The following ANTXRL variants were observed in gnomAD, a reference collection of about 807,000 sequenced individuals.
ANTXRL encodes the protein anthrax toxin receptor-like.
A neutral mutation model predicts 75.4 loss-of-function variants in ANTXRL; 63 were observed. The ratio of observed to expected loss-of-function variants is 0.84; its 90% CI spans 0.68 to 1.03. The LOEUF is 1.03. Ranked by LOEUF, ANTXRL falls within the 50% of genes least tolerant of loss-of-function variation. The pLI, the probability that ANTXRL is intolerant of heterozygous loss-of-function variation, is 0.00. For synonymous variants in ANTXRL, 335 were observed against 291.3 expected, an observed-to-expected ratio of 1.15 and a Z score of -1.53; for missense variants, 797 against 789.4, an observed-to-expected ratio of 1.01 and a Z score of -0.12.
At chr10:46,315,273 G>A (rs1343381350) in intron 16 of ANTXRL, among the ~76,000 whole-genome samples, 6 of 152,240 alleles carry the variant, frequency 3.9e-5, no homozygotes, top group Non-Finnish European at 8.8e-5. Context: ...TCCTGCCTGA[G>A]CCAGGGGTCC....
intron 3 of ANTXRL, 131 bp downstream of exon 3, chr10:46,294,031 T>C (rs1554957768): frequency 1.3e-6 from 1 of 784,582 alleles, no homozygotes; most frequent in African/African-American, 1.8e-5. Context: ...TCAGGGCAAC[T>C]CACAGTACCC....
intron 9 of ANTXRL, among the ~76,000 whole-genome samples, chr10:46,300,744 GC>G (rs1554960308): frequency 6.6e-6 from 1 of 152,124 alleles, no homozygotes; most frequent in Non-Finnish European, 1.5e-5. Flanking sequence ...ACTCCCTGCA[GC>G]CCAAGGGCTT....
At position 46,327,794 on chromosome 10, in the gene ANTXRL, T is replaced by C. The variant is rs186250227; in HGVS notation, c.1411-1805T>C. Among the ~76,000 whole-genome samples, 255 of 152,222 alleles carry C rather than the reference T, an allele frequency of 1.7e-3. 2 individuals carry two copies. Among genetic ancestry groups the C allele is most frequent in the African/African-American group, 5.3e-3 (221 of 41,514 alleles). ...TGGGACCATCAGGCTGAGACTGGCCTGGCAGGAGACCCCTGGGATTCCAGG... is the reference window on the plus strand; with the variant it reads ...TGGGACCATCAGGCTGAGACTGGCCCGGCAGGAGACCCCTGGGATTCCAGG... On this transcript the variant is annotated intron_variant, in intron 16 of 16. Coordinates refer to ENST00000620264, the MANE Select transcript of ANTXRL (RefSeq NM_001278688.3).
At chr10:46,310,779 C>T (rs1838375062) in intron 14 of ANTXRL, among the ~76,000 whole-genome samples, 1 of 152,070 alleles carries the variant, frequency 6.6e-6, no homozygotes, top group African/African-American at 2.4e-5. Flanking sequence ...AAATGGGGCT[C>T]TCTGTCAAGG....
Position 46,329,789 on chromosome 10 carries a change from T to A in ANTXRL, c.1601T>A (p.Leu534Gln). Residue 534 changes from leucine (L) to glutamine (Q), a missense_variant, in exon 17 of 17, where the codon CTG becomes CAG. Physicochemically the swap from Leu to Gln is moderately radical, Grantham distance 113. This residue lies in a region of ANTXRL where 479 missense variants were observed against 422.0 expected (regional missense o/e 1.14). Transcript: ENST00000620264. ...GCTCGCTGCAGCCCAAACATCTGCC[T>A]GAGACACAGCCAACACAGCAGGGAG... Reference protein sequence around the residue: ...KQARCSPNICLRHSQHSRECL... With the variant: ...KQARCSPNICQRHSQHSRECL... The A allele has an allele frequency of 6.5e-7, 1 of 1,531,334 alleles. No individual in the cohort carries two copies. Among genetic ancestry groups the A allele is most frequent in the Non-Finnish European group, 8.7e-7 (1 of 1,145,924 alleles). The allele number at this position is 1,531,334 out of a possible 1,614,324, so 94.9% of individuals were successfully genotyped here.
intron 7 of ANTXRL, among the ~76,000 whole-genome samples, 155 bp from the exon 8 acceptor site, chr10:46,297,676 T>A (rs568952729): frequency 6.6e-6 from 1 of 152,252 alleles, no homozygotes; most frequent in Admixed American, 6.5e-5. Flanking sequence ...CCCCGCTCCC[T>A]AAGAGTGGGC....
rs544385233 is a variant in ANTXRL, at chr10:46,288,720, A to G, written c.248+1210A>G. 2.0e-5 allele frequency among the ~76,000 whole-genome samples: 3 copies of G among 152,272 alleles called. No homozygotes were observed. The East Asian group carries it at 5.8e-4, about 29-fold the overall frequency. On this transcript the variant is annotated intron_variant, in intron 1 of 16. Coordinates refer to ENST00000620264, the MANE Select transcript of ANTXRL (RefSeq NM_001278688.3). ...AGGATGAAGGGAGAATTTGCAGGTC[A>G]GAGGCGATGACAGAGGATGGGGATG...
Position 46,329,991 on chromosome 10 carries a change from G to A in ANTXRL, c.1803G>A (p.Arg601=), listed in dbSNP as rs1554967349. Reference sequence around the variant, plus strand: ...GCCTCCCCCCAGCTAGGTGCTTGAGGCCTCCCTCCAGGATGCTGCCGCTGC... The same window carrying A: ...GCCTCCCCCCAGCTAGGTGCTTGAGACCTCCCTCCAGGATGCTGCCGCTGC... ...RCRLPPARCL[R]PPSRMLPLLS... Residue 601 remains arginine, a synonymous_variant, in exon 17 of 17, where the codon AGG becomes AGA. Transcript: ENST00000620264. 6 of 1,535,320 alleles carry A rather than the reference G, an allele frequency of 3.9e-6. No individual in the cohort carries two copies. Among genetic ancestry groups the A allele is most frequent in the East Asian group, 2.4e-5 (1 of 40,862 alleles).
intron 3 of ANTXRL, among the ~76,000 whole-genome samples, 193 bp from the exon 4 acceptor site, chr10:46,295,826 C>A (rs113616442): frequency 6.6e-6 from 1 of 152,118 alleles, no homozygotes; most frequent in Non-Finnish European, 1.5e-5. Context: ...CTCTGTAACT[C>A]GGATGAGCTC....
Position 46,296,096 on chromosome 10 carries a change from G to C in ANTXRL, c.470G>C (p.Arg157Thr), listed in dbSNP as rs1554958548. Reference sequence around the variant, plus strand: ...CACACATTCATGCAGGCAGGATTTAGAAAGGTATAGACCCCTTGATCTCCT... The same window carrying C: ...CACACATTCATGCAGGCAGGATTTACAAAGGTATAGACCCCTTGATCTCCT... ...DGHTFMQAGF[R>T]KAIQQIESFN... Residue 157 changes from arginine to threonine, a missense_variant, in exon 4 of 17, where the codon AGA becomes ACA. Arg to Thr is a moderately conservative substitution (Grantham distance 71, BLOSUM62 -1). Around this residue, in one of 3 missense-constraint regions of ANTXRL, gnomAD observed 262 missense variants for 271.9 expected, o/e 0.96. Transcript: ENST00000620264. 2.0e-6 allele frequency: 3 copies of C among 1,535,926 alleles called. No individual in the cohort carries two copies. Among genetic ancestry groups the C allele is most frequent in the South Asian group, 1.2e-5 (1 of 84,042 alleles).
chr10:46,287,250 G>A lies in ANTXRL; in HGVS notation c.-13G>A. The A allele has an allele frequency of 6.5e-7, 1 of 1,535,198 alleles. No individual in the cohort carries two copies. On this transcript the variant is annotated 5_prime_UTR_variant, in exon 1 of 17. Transcript: ENST00000620264. ...ACCCAAGAGTGAGGTGGGGTCACAG[G>A]GACAGCCAGATAATGGGGAGCCATG...
chr10:46,295,936 A>T, intron 3 of ANTXRL, 83 bp from the exon 4 acceptor site: 1 of 1,146,134 alleles, frequency 8.7e-7, no homozygotes, highest in Non-Finnish European at 1.3e-6. Context: ...GGCGCAAAGA[A>T]CAGTGGCTCC....
In ANTXRL at chr10:46,330,105, A is replaced by G; in HGVS notation, c.*21A>G. 1 of 1,480,348 alleles carries G rather than the reference A, an allele frequency of 6.8e-7. No individual in the cohort carries two copies. The highest frequency in any genetic ancestry group is 8.9e-7 in the Non-Finnish European group (1 of 1,118,346). 91.7% of individuals were successfully genotyped at this position (1,480,348 alleles called of 1,614,324 possible). ...TCTAAGGCACCAAACACCCAAGATT[A>G]ACAGGCTTTTGTTGCTGAACTGGAC... On this transcript the variant is annotated 3_prime_UTR_variant, in exon 17 of 17. Transcript: ENST00000620264.
At chr10:46,311,274 C>G (rs1370038475) in intron 14 of ANTXRL, among the ~76,000 whole-genome samples, 1 of 152,082 alleles carries the variant, frequency 6.6e-6, no homozygotes, top group Non-Finnish European at 1.5e-5. Context: ...CAGGGCAGGC[C>G]TCTTTCAACA....
intron 16 of ANTXRL, among the ~76,000 whole-genome samples, chr10:46,324,967 C>A (rs1554966170): frequency 6.6e-6 from 1 of 152,084 alleles, no homozygotes; most frequent in Non-Finnish European, 1.5e-5. Flanking sequence ...GATATGGAAG[C>A]CTCTTGAACT....
At chr10:46,324,088 G>T (rs944123116) in intron 16 of ANTXRL, among the ~76,000 whole-genome samples, 2 of 152,118 alleles carry the variant, frequency 1.3e-5, no homozygotes, top group Non-Finnish European at 2.9e-5. Flanking sequence ...TTTCCATCAA[G>T]GCCTTGTGAC....
rs181550515 is a variant in ANTXRL, at chr10:46,314,935, T to C, written c.1410+1619T>C. On this transcript the variant is annotated intron_variant, in intron 16 of 16. Transcript: ENST00000620264. The stretch of plus-strand genomic sequence containing the variant: ...GTAGACCTAGGCTCCTTTCTAGCTC[T>C]TCTGCGACAACCTAATTTGACCTTG... 1.5e-3 allele frequency among the ~76,000 whole-genome samples: 222 copies of C among 152,260 alleles called. 2 individuals are homozygous for C. Among genetic ancestry groups the C allele is most frequent in the African/African-American group, 5.0e-3 (209 of 41,544 alleles).
At chr10:46,301,159 C>T (rs1431236558) in intron 9 of ANTXRL, among the ~76,000 whole-genome samples, 4 of 152,256 alleles carry the variant, frequency 2.6e-5, no homozygotes, top group Non-Finnish European at 5.9e-5. Context: ...GGGCGCAGGC[C>T]ACAGGCCCAG....
rs1304482941 is a variant in ANTXRL at position 46,329,900 on chromosome 10, G to A, written c.1712G>A (p.Cys571Tyr). 6.5e-6 allele frequency: 10 copies of A among 1,535,778 alleles called. No individual in the cohort carries two copies. Among genetic ancestry groups the A allele is most frequent in the Non-Finnish European group, 8.7e-6 (10 of 1,146,750 alleles). ...TACTTTTCCCAAGCACAGACTCTGT[G>A]CAACCCAAAGAGCTGCCTTCAACCC... ...PEYFSQAQTL[C>Y]NPKSCLQPSR... Residue 571 changes from cysteine to tyrosine, a missense_variant, in exon 17 of 17, where the codon TGC becomes TAC. Physicochemically the swap from Cys to Tyr is radical, Grantham distance 194. This residue lies in a region of ANTXRL where 479 missense variants were observed against 422.0 expected (regional missense o/e 1.14). Coordinates refer to ENST00000620264, the MANE Select transcript of ANTXRL (RefSeq NM_001278688.3).
Sources: gnomAD v4.1 joint callset for allele counts (sites outside exome capture counted in the v4.1 genomes callset) on GRCh38, gnomAD v4.1.1 for gene constraint, gnomAD v4.1.1 regional missense constraint, MANE v1.5 for transcripts, NCBI Gene and HGNC (gene_info 2026-07-23, HGNC 2026-07-21) for gene names.